COL11A1: variants seen among roughly 807,000 people sequenced by gnomAD.
COL11A1 encodes the protein collagen alpha-1(XI) chain.
A neutral mutation model predicts 265.2 loss-of-function variants in COL11A1; 74 were observed. The observed-to-expected ratio is 0.28, with a 90% CI of 0.23 to 0.34. COL11A1 has a LOEUF of 0.34. Among genes scored for constraint, COL11A1 ranks in the 10% least tolerant of loss-of-function variants. COL11A1 has a pLI of 1.00. For missense variants in COL11A1, 2,165 were observed against 2,263.6 expected (o/e 0.96, Z 0.88); for synonymous variants, 816 against 727.6 (o/e 1.12, Z -1.96).
chr1:102,932,057 C>A (rs995059637), intron 46 of COL11A1, among the ~76,000 whole-genome samples: 1 of 150,322 alleles, frequency 6.7e-6, no homozygotes, highest in Admixed American at 6.6e-5. Flanking sequence ...ATTTGCCAGT[C>A]TGTGTCTTTT....
intron 42 of COL11A1, among the ~76,000 whole-genome samples, chr1:102,940,702 A>C (rs1363762659): frequency 6.6e-6 from 1 of 152,180 alleles, no homozygotes; most frequent in East Asian, 1.9e-4. Context: ...TTATATATTG[A>C]CAAATCAGAT....
chr1:102,886,352 C>A (rs1472959699), intron 63 of COL11A1, among the ~76,000 whole-genome samples: 1 of 152,116 alleles, frequency 6.6e-6, no homozygotes, highest in Non-Finnish European at 1.5e-5. Context: ...ATATTCTGTT[C>A]ACCAAATCAT....
chr1:103,043,448 A>T (rs1668999493), intron 4 of COL11A1, among the ~76,000 whole-genome samples: 2 of 151,964 alleles, frequency 1.3e-5, no homozygotes, highest in Admixed American at 6.6e-5. Flanking sequence ...TATAAACTTC[A>T]TGAGAGCAGG....
chr1:102,877,842 C>G lies in COL11A1; in HGVS notation c.*177G>C. 1.7e-6 allele frequency: 1 copy of G among 598,070 alleles called. No individual in the cohort carries two copies. Among genetic ancestry groups the G allele is most frequent in the East Asian group, 2.9e-5 (1 of 34,098 alleles). 37.0% of individuals were successfully genotyped at this position (598,070 alleles called of 1,614,324 possible). A position where few individuals can be genotyped will look rare whatever the true frequency, so the allele number is the denominator to read the frequency against. On this transcript the variant is annotated 3_prime_UTR_variant, in exon 67 of 67. Coordinates refer to ENST00000370096, the MANE Select transcript of COL11A1 (RefSeq NM_001854.4). ...CACCAACTTATATCTTTATGATTTTCAAAGCTTTTGCCATGTGATTCTGCC... is the reference window on the plus strand; with the variant it reads ...CACCAACTTATATCTTTATGATTTTGAAAGCTTTTGCCATGTGATTCTGCC...
chr1:102,984,552 G>C (rs1396156598), intron 30 of COL11A1, among the ~76,000 whole-genome samples: 1 of 151,918 alleles, frequency 6.6e-6, no homozygotes, highest in Non-Finnish European at 1.5e-5. Context: ...TTTTAAATTA[G>C]TGATGTAACT....
At position 103,014,563 on chromosome 1, in the gene COL11A1, G is replaced by C; in HGVS notation, c.1520C>G (p.Pro507Arg). The C allele has an allele frequency of 6.2e-7, 1 of 1,613,584 alleles. No homozygotes were observed. Among genetic ancestry groups the C allele is most frequent in the Non-Finnish European group, 8.5e-7 (1 of 1,179,720 alleles). ...FRYGGDGSKG[P>R]TISAQEAQAQ... The stretch of plus-strand genomic sequence containing the variant: ...CTGAGCTTCCTGAGCAGAGATGGTT[G>C]GTCCTTTGGAACCATCACCACCATA... Residue 507 changes from proline (P) to arginine (R), a missense_variant, in exon 13 of 67, where the codon CCA (proline) becomes CGA (arginine). Pro to Arg is a moderately radical substitution (Grantham distance 103). Coordinates refer to ENST00000370096, the MANE Select transcript of COL11A1 (RefSeq NM_001854.4).
chr1:103,095,051 C>G (rs1412985728), intron 1 of COL11A1, among the ~76,000 whole-genome samples: 2 of 152,082 alleles, frequency 1.3e-5, no homozygotes, highest in Non-Finnish European at 2.9e-5. Context: ...GCTGTCATTT[C>G]TCAGAACACC....
chr1:102,966,180 T>C (rs938908773), intron 37 of COL11A1, among the ~76,000 whole-genome samples: 2 of 152,202 alleles, frequency 1.3e-5, no homozygotes, highest in Admixed American at 6.5e-5. Flanking sequence ...TATATTCTGG[T>C]ATTTATTTTT....
chr1:102,995,122 T>C (rs142004246), intron 28 of COL11A1, among the ~76,000 whole-genome samples: 319 of 152,202 alleles, frequency 2.1e-3, no homozygotes, highest in Non-Finnish European at 3.7e-3. Flanking sequence ...CAAGATGAGA[T>C]TTGGGTGGGC....
intron 1 of COL11A1, among the ~76,000 whole-genome samples, chr1:103,094,546 C>T (rs1190144062): frequency 6.6e-6 from 1 of 152,056 alleles, no homozygotes; most frequent in African/African-American, 2.4e-5. Context: ...CCTCCCCTTC[C>T]ACTTCTTCTG....
In COL11A1 at chr1:102,877,774, G is replaced by A. The variant is rs1312427626; in HGVS notation, c.*245C>T. 1 of 414,376 alleles carries A rather than the reference G, an allele frequency of 2.4e-6. No homozygotes were observed. Among genetic ancestry groups the A allele is most frequent in the Non-Finnish European group, 4.4e-6 (1 of 228,590 alleles). 25.7% of individuals were successfully genotyped at this position (414,376 alleles called of 1,614,324 possible). On this transcript the variant is annotated 3_prime_UTR_variant, in exon 67 of 67. Coordinates refer to ENST00000370096, the MANE Select transcript of COL11A1 (RefSeq NM_001854.4). ...AAATTCAAATAGGAAAAGGAGAGTT[G>A]AGAATTGGGAATCAAGAATCAGCCC...
At chr1:102,891,946 A>G (rs1055521905) in intron 57 of COL11A1, among the ~76,000 whole-genome samples, 24 of 152,236 alleles carry the variant, frequency 1.6e-4, no homozygotes, top group African/African-American at 5.8e-4. Context: ...TTGTTGTACT[A>G]CAATTTTGAA....
At chr1:103,078,529 A>G in intron 3 of COL11A1, 129 bp downstream of exon 3, 1 of 795,610 alleles carries the variant, frequency 1.3e-6, no homozygotes, top group South Asian at 1.6e-5. Flanking sequence ...GTCTTTATGT[A>G]TTTTTTGCTC....
intron 42 of COL11A1, among the ~76,000 whole-genome samples, chr1:102,941,500 A>G (rs1464966854): frequency 6.6e-6 from 1 of 152,184 alleles, no homozygotes; most frequent in Non-Finnish European, 1.5e-5. Flanking sequence ...ACCTGCCCAA[A>G]CACATCTAGC....
intron 17 of COL11A1, 40 bp downstream of exon 17, chr1:103,006,028 T>A: frequency 6.2e-7 from 1 of 1,612,430 alleles, no homozygotes; most frequent in Non-Finnish European, 8.5e-7. Context: ...CAGAGTGAAC[T>A]GACACAGGAT....
chr1:103,062,960 A>T (rs1008449118), intron 4 of COL11A1, among the ~76,000 whole-genome samples: 1 of 152,036 alleles, frequency 6.6e-6, no homozygotes, highest in Non-Finnish European at 1.5e-5. Context: ...TTATCACTCA[A>T]CACTATTTAC....
chr1:102,888,556 C>T lies in COL11A1; in HGVS notation c.4608+21G>A, dbSNP rs199882962. On this transcript the variant is annotated intron_variant, in intron 62 of 66. Coordinates refer to ENST00000370096, the MANE Select transcript of COL11A1 (RefSeq NM_001854.4). ...CCAGATGCAAACTGTCAGAACATCA[C>T]TCTTGTTAACATATACTTACTGGAG... 2.3e-4 allele frequency: 375 copies of T among 1,607,168 alleles called. 1 individual carries two copies. Among genetic ancestry groups the T allele is most frequent in the Middle Eastern group, 5.0e-4 (3 of 6,050 alleles).
At chr1:103,087,788 C>T (rs1672996428) in intron 1 of COL11A1, among the ~76,000 whole-genome samples, 1 of 152,160 alleles carries the variant, frequency 6.6e-6, no homozygotes, top group Non-Finnish European at 1.5e-5. Flanking sequence ...ATTATAGCAC[C>T]TTTCATACTT....
At chr1:102,910,384 T>A (rs953429504) in intron 54 of COL11A1, among the ~76,000 whole-genome samples, 4 of 151,498 alleles carry the variant, frequency 2.6e-5, no homozygotes, top group African/African-American at 9.7e-5. Flanking sequence ...AATATGTACT[T>A]TTTTGACATA....
Sources: gnomAD v4.1 joint callset for allele counts (sites outside exome capture counted in the v4.1 genomes callset) on GRCh38, gnomAD v4.1.1 for gene constraint, MANE v1.5 for transcripts, NCBI Gene and HGNC (gene_info 2026-07-23, HGNC 2026-07-21) for gene names.